ANK1: variants seen among roughly 807,000 people sequenced by gnomAD.
ANK1 encodes the protein ankyrin-1.
Under a neutral mutation model 210.4 loss-of-function variants are expected in ANK1, and 51 were observed. The ratio of observed to expected loss-of-function variants is 0.24; its 90% CI spans 0.19 to 0.31. The LOEUF (loss-of-function observed/expected upper bound fraction) is 0.31. ANK1 is among the 10% of genes least tolerant of loss of function. The pLI is 1.00. For missense variants in ANK1, 2,051 were observed against 2,504.4 expected (o/e 0.82, Z 3.86); for synonymous variants, 967 against 1,025.9 (o/e 0.94, Z 1.10).
intron 1 of ANK1, among the ~76,000 whole-genome samples, chr8:41,883,204 A>G (rs902156131): frequency 2.0e-5 from 3 of 152,148 alleles, no homozygotes; most frequent in African/African-American, 7.2e-5. Flanking sequence ...ATCAACCCAC[A>G]ACATGGTCAG....
intron 20 of ANK1, among the ~76,000 whole-genome samples, chr8:41,703,444 A>ATTTT (rs1257332982): frequency 1.3e-4 from 8 of 62,358 alleles, no homozygotes; most frequent in African/African-American, 4.7e-4. Flanking sequence ...ATATATATAT[A>ATTTT]TATATATTTT....
At chr8:41,791,916 T>TGG (rs58204286) in intron 1 of ANK1, among the ~76,000 whole-genome samples, 35 of 151,426 alleles carry the variant, frequency 2.3e-4, no homozygotes, top group Non-Finnish European at 3.1e-4. Flanking sequence ...AGAGAAGGGC[T>TGG]GGGGTCAGAA....
intron 2 of ANK1, among the ~76,000 whole-genome samples, chr8:41,734,915 ATAAAATAGCCCC>A (rs1833062992): frequency 6.6e-6 from 1 of 151,934 alleles, no homozygotes; most frequent in African/African-American, 2.4e-5. Context: ...AATGTAAAAC[ATAAAATAGCCCC>A]TTTGCCATCC....
chr8:41,688,408 G>A lies in ANK1; in HGVS notation c.4183+103C>T, dbSNP rs1265359739. The A allele has an allele frequency of 1.9e-5, 28 of 1,467,474 alleles. No homozygotes were observed. The Admixed American group carries it at 2.6e-4, about 13-fold the overall frequency. The allele number at this position is 1,467,474 out of a possible 1,614,324, so 90.9% of individuals were successfully genotyped here. ...CAGCTGCTTTTGGAACTGGCTGAGC[G>A]AGCGGCACCTCAGCAGAACCCTCAC... On this transcript the variant is annotated intron_variant, in intron 34 of 42. Coordinates refer to ENST00000289734, the MANE Select transcript of ANK1 (RefSeq NM_000037.4).
rs2150525966 is a variant in ANK1, at chr8:41,654,584, C to G, written c.*1206G>C. The G allele has an allele frequency of 6.5e-6, 1 of 152,812 alleles. No homozygotes were observed. The highest frequency in any genetic ancestry group is 1.9e-4 in the East Asian group (1 of 5,184). The allele number at this position is 152,812 out of a possible 1,614,324, so 9.5% of individuals were successfully genotyped here. ...AGACCTGGCAGATACATTCACTAGC[C>G]CTACTCCTTTCCTTCCTCTTTCACT... On this transcript the variant is annotated 3_prime_UTR_variant, in exon 43 of 43. Coordinates refer to ENST00000289734, the MANE Select transcript of ANK1 (RefSeq NM_000037.4).
At chr8:41,661,205 C>T (rs1808006466) in intron 42 of ANK1, 1 of 626,268 alleles carries the variant, frequency 1.6e-6, no homozygotes, top group African/African-American at 1.8e-5. Flanking sequence ...ACCGTGCGGT[C>T]CCTGATAAGT....
intron 1 of ANK1, among the ~76,000 whole-genome samples, chr8:41,853,926 C>G (rs1037764880): frequency 1.3e-5 from 2 of 152,044 alleles, no homozygotes; most frequent in Admixed American, 6.6e-5. Flanking sequence ...GCACTTGACC[C>G]CCTGGGTTAA....
At position 41,698,034 on chromosome 8, in the gene ANK1, G is replaced by A; in HGVS notation, c.2637+9C>T. 6.2e-7 allele frequency: 1 copy of A among 1,613,774 alleles called. No individual in the cohort carries two copies. The highest frequency in any genetic ancestry group is 2.2e-5 in the East Asian group (1 of 44,870). Reference sequence around the variant, plus strand: ...CATGTGGGGAAACCACAGAGAAGGAGCTTCTCACCTGCTCCTGCTCTTCTG... The same window carrying A: ...CATGTGGGGAAACCACAGAGAAGGAACTTCTCACCTGCTCCTGCTCTTCTG... On this transcript the variant is annotated intron_variant, in intron 24 of 42. Coordinates refer to ENST00000289734, the MANE Select transcript of ANK1 (RefSeq NM_000037.4).
chr8:41,802,100 C>A (rs182212203), upstream of ANK1, among the ~76,000 whole-genome samples: 24 of 152,322 alleles, frequency 1.6e-4, no homozygotes, highest in Non-Finnish European at 3.1e-4. Context: ...AGCAATTCTC[C>A]TGCCTCGGCC....
intron 16 of ANK1, among the ~76,000 whole-genome samples, chr8:41,712,642 G>T (rs1396809436): frequency 6.6e-6 from 1 of 152,326 alleles, no homozygotes; most frequent in East Asian, 1.9e-4. Context: ...AGGGAGCTCT[G>T]CCCAAATGTT....
At chr8:41,749,211 T>C (rs181952139) in intron 2 of ANK1, among the ~76,000 whole-genome samples, 480 of 152,218 alleles carry the variant, frequency 3.2e-3, no homozygotes, top group Admixed American at 5.9e-3. Context: ...TTAGCCCTAG[T>C]CTCTAGCATG....
intron 1 of ANK1, among the ~76,000 whole-genome samples, chr8:41,857,905 A>AAAATAAATAAATAAATAAATAAAT (rs112696006): frequency 1.3e-5 from 2 of 150,848 alleles, no homozygotes; most frequent in Admixed American, 6.6e-5. Flanking sequence ...CTCCATCTCA[A>AAAATAAATAAATAAATAAATAAAT]AAATAAATAA....
intron 12 of ANK1, 44 bp downstream of exon 12, chr8:41,717,560 C>G (rs1205775934): frequency 6.6e-7 from 1 of 1,509,532 alleles, no homozygotes; most frequent in Admixed American, 2.0e-5. Flanking sequence ...GCCCTCTGAG[C>G]TCTTGGTCTA....
At chr8:41,789,154 C>T (rs1265678271) in intron 1 of ANK1, 1 of 152,246 alleles carries the variant, frequency 6.6e-6, no homozygotes, top group East Asian at 1.9e-4. Context: ...TTCCCACTTC[C>T]TGAGAACAAG....
At chr8:41,852,253 C>A (rs925135566) in intron 1 of ANK1, among the ~76,000 whole-genome samples, 1 of 152,166 alleles carries the variant, frequency 6.6e-6, no homozygotes, top group Admixed American at 6.5e-5. Context: ...CTCAGGGGCC[C>A]TTAGCCATGG....
At chr8:41,703,416 G>A (rs1440493529) in intron 20 of ANK1, among the ~76,000 whole-genome samples, 11 of 50,440 alleles carry the variant, frequency 2.2e-4, no homozygotes, top group East Asian at 8.1e-4. Flanking sequence ...GTGTGTGTGT[G>A]TGTGTGTATA....
exon 1 of ANK1, chr8:41,896,534 C>G: frequency 6.5e-7 from 1 of 1,537,572 alleles, no homozygotes; most frequent in Non-Finnish European, 8.7e-7. Flanking sequence ...GCTCAGCGAT[C>G]CCCGAGGCGA....
intron 1 of ANK1, among the ~76,000 whole-genome samples, chr8:41,830,380 GA>G (rs1306955133): frequency 2.0e-5 from 3 of 150,986 alleles, no homozygotes; most frequent in Admixed American, 6.6e-5. Context: ...ATTAAAAGAG[GA>G]AACTATTTTT....
intron 1 of ANK1, among the ~76,000 whole-genome samples, chr8:41,788,638 C>T (rs576129984): frequency 6.6e-6 from 1 of 152,268 alleles, no homozygotes; most frequent in Admixed American, 6.5e-5. Flanking sequence ...AGCATGGTGG[C>T]GGGTACAAAG....
Sources: allele counts gnomAD v4.1 joint callset (sites outside exome capture counted in the v4.1 genomes callset), GRCh38; gene constraint gnomAD v4.1.1; transcripts MANE v1.5; gene names NCBI Gene and HGNC (gene_info 2026-07-23, HGNC 2026-07-21).